Variants in CSMD1 observed in about 807,000 individuals in gnomAD.
CSMD1 encodes CUB and Sushi multiple domains 1, also known as CUB and sushi domain-containing protein 1.
CSMD1 carries 213 observed loss-of-function variants against 417.5 expected under a neutral mutation model. The ratio of observed to expected loss-of-function variants is 0.51; its 90% confidence interval spans 0.46 to 0.57. The LOEUF (loss-of-function observed/expected upper bound fraction) is 0.57. Among genes scored for constraint, CSMD1 ranks in the 20% least tolerant of loss-of-function variants. The pLI is 0.00. For missense variants in CSMD1, 6,923 were observed against 4,529.7 expected, an observed-to-expected ratio of 1.53 and a Z score of -15.17; for synonymous variants, 2,862 against 1,736.8, an observed-to-expected ratio of 1.65 and a Z score of -16.11.
At chr8:4,280,442 A>T (rs1481694469) in intron 3 of CSMD1, among the ~76,000 whole-genome samples, 1 of 152,228 alleles carries the variant, frequency 6.6e-6, no homozygotes, top group East Asian at 1.9e-4. Flanking sequence ...GCGACCGGAT[A>T]CCAATCTGAG....
chr8:3,566,983 C>A (rs78660435), intron 10 of CSMD1, among the ~76,000 whole-genome samples: 1 of 152,188 alleles, frequency 6.6e-6, no homozygotes, highest in Non-Finnish European at 1.5e-5. Context: ...GGTATAAGTT[C>A]ATTGCAGCAC....
Position 4,716,593 on chromosome 8 carries a change from G to C in CSMD1, c.86-79035C>G, listed in dbSNP as rs539378593. Among the ~76,000 whole-genome samples, 270 of 152,280 alleles carry C rather than the reference G, an allele frequency of 1.8e-3. 9 individuals are homozygous for C. In the South Asian group the frequency reaches 0.047, roughly 27 times the overall value. On this transcript the variant is annotated intron_variant, in intron 1 of 69. Transcript: ENST00000635120. ...TAAAGGAATTTACTATATTCTTATA[G>C]AAATGAGTAGCAGAATATGGATTAA...
chr8:3,316,742 C>T (rs545840932), intron 23 of CSMD1, among the ~76,000 whole-genome samples: 1 of 152,090 alleles, frequency 6.6e-6, no homozygotes, highest in Non-Finnish European at 1.5e-5. Flanking sequence ...ACGGGAAAGA[C>T]TGGAAAGGAC....
Position 3,189,018 on chromosome 8 carries a change from G to C in CSMD1, c.5399-7C>G, listed in dbSNP as rs1198254536. 1.2e-6 allele frequency: 2 copies of C among 1,609,852 alleles called. No homozygotes were observed. Among genetic ancestry groups the C allele is most frequent in the African/African-American group, 1.3e-5 (1 of 74,810 alleles). Reference sequence around the variant, plus strand: ...AAATTGCCACTGCAGGGTACTAAAAGACACAACCATATGTCATGAAATAAA... The same window carrying C: ...AAATTGCCACTGCAGGGTACTAAAACACACAACCATATGTCATGAAATAAA... On this transcript the variant is annotated splice_region_variant and splice_polypyrimidine_tract_variant and intron_variant, in intron 34 of 69. Coordinates refer to ENST00000635120, the MANE Select transcript of CSMD1 (RefSeq NM_033225.6).
At chr8:4,803,451 T>A (rs1563436322) in intron 1 of CSMD1, among the ~76,000 whole-genome samples, 1 of 152,188 alleles carries the variant, frequency 6.6e-6, no homozygotes. Flanking sequence ...GGGTTTTGCA[T>A]GATAGGAGAG....
chr8:2,942,590 C>G lies in CSMD1; in HGVS notation c.10417G>C (p.Asp3473His). The G allele has an allele frequency of 6.3e-7, 1 of 1,592,554 alleles. No homozygotes were observed. Among genetic ancestry groups the G allele is most frequent in the South Asian group, 1.1e-5 (1 of 88,060 alleles). Residue 3473 changes from aspartate to histidine, a missense_variant, in exon 69 of 70, where the codon GAT (aspartate) becomes CAT (histidine). Asp to His is a moderately conservative substitution (Grantham distance 81). Coordinates refer to ENST00000635120, the MANE Select transcript of CSMD1 (RefSeq NM_033225.6). ...TGGTAATGACTGGAAGAGTCTTGAT[C>G]TGGGTTTAAAGGATCTGTAAGATAA... Reference protein sequence around the residue: ...KLERQDPLNPDQDSSSHYHGT... With the variant: ...KLERQDPLNPHQDSSSHYHGT...
At chr8:3,283,108 G>A (rs959467791) in intron 26 of CSMD1, among the ~76,000 whole-genome samples, 1 of 152,152 alleles carries the variant, frequency 6.6e-6, no homozygotes, top group Non-Finnish European at 1.5e-5. Context: ...GTTCACGTGT[G>A]CAGATGTGGT....
chr8:4,060,157 G>A (rs955178386), intron 3 of CSMD1, among the ~76,000 whole-genome samples: 1 of 152,092 alleles, frequency 6.6e-6, no homozygotes, highest in African/African-American at 2.4e-5. Flanking sequence ...ATCAATAAAT[G>A]TAATCCAGCA....
intron 2 of CSMD1, among the ~76,000 whole-genome samples, chr8:4,560,813 G>C (rs780547652): frequency 1.3e-5 from 2 of 152,188 alleles, no homozygotes; most frequent in African/African-American, 2.4e-5. Context: ...GATTCTGCCT[G>C]TTCCTCTTCT....
At chr8:3,734,299 G>T (rs948980007) in intron 6 of CSMD1, among the ~76,000 whole-genome samples, 1 of 152,292 alleles carries the variant, frequency 6.6e-6, no homozygotes, top group African/African-American at 2.4e-5. Context: ...TCCAGGCGGG[G>T]TCTGCTGCAT....
At chr8:4,391,056 G>C (rs1289570844) in intron 3 of CSMD1, among the ~76,000 whole-genome samples, 1 of 152,174 alleles carries the variant, frequency 6.6e-6, no homozygotes, top group Non-Finnish European at 1.5e-5. Flanking sequence ...AAACCCCAGA[G>C]CACTAGGGTC....
chr8:4,925,540 T>TC (rs1806798902), intron 1 of CSMD1, among the ~76,000 whole-genome samples: 1 of 148,604 alleles, frequency 6.7e-6, no homozygotes, highest in Non-Finnish European at 1.5e-5. Context: ...GCATTTTCTT[T>TC]TTTTTTTCTT....
chr8:4,748,451 G>A (rs765337718), intron 1 of CSMD1, among the ~76,000 whole-genome samples: 2 of 152,170 alleles, frequency 1.3e-5, no homozygotes, highest in Non-Finnish European at 2.9e-5. Context: ...TATGACCCAA[G>A]TAAGGGTGAA....
chr8:3,975,931 G>A (rs1290964066), intron 5 of CSMD1, among the ~76,000 whole-genome samples: 1 of 151,802 alleles, frequency 6.6e-6, no homozygotes, highest in African/African-American at 2.4e-5. Context: ...AAAGTTATTT[G>A]CAGTATGTTT....
intron 37 of CSMD1, among the ~76,000 whole-genome samples, chr8:3,170,995 A>G (rs139400176): frequency 1.1e-3 from 168 of 152,362 alleles, no homozygotes; most frequent in Non-Finnish European, 1.9e-3. Context: ...GATATAATTA[A>G]TGATCTGCTC....
chr8:3,520,165 C>T (rs866388296), intron 10 of CSMD1, among the ~76,000 whole-genome samples: 2 of 151,404 alleles, frequency 1.3e-5, no homozygotes, highest in African/African-American at 4.9e-5. Context: ...AAACCAGAAC[C>T]GAGAAGAAGA....
At chr8:3,244,412 T>G (rs1222742029) in intron 26 of CSMD1, among the ~76,000 whole-genome samples, 2 of 152,138 alleles carry the variant, frequency 1.3e-5, no homozygotes, top group East Asian at 3.9e-4. Context: ...CTGCTTTTGT[T>G]TAACAGAGAC....
At chr8:4,264,250 T>G (rs1029211655) in intron 3 of CSMD1, among the ~76,000 whole-genome samples, 7 of 152,188 alleles carry the variant, frequency 4.6e-5, no homozygotes, top group African/African-American at 1.7e-4. Context: ...AGGAATAATT[T>G]TAAGAATAGA....
chr8:3,894,317 T>C (rs921805727), intron 5 of CSMD1, among the ~76,000 whole-genome samples: 1 of 152,150 alleles, frequency 6.6e-6, no homozygotes, highest in Non-Finnish European at 1.5e-5. Context: ...TCTTCACCAC[T>C]GAAAGCTTTG....
Sources: gnomAD v4.1 joint callset for allele counts (sites outside exome capture counted in the v4.1 genomes callset) on GRCh38, gnomAD v4.1.1 for gene constraint, MANE v1.5 for transcripts, NCBI Gene and HGNC (gene_info 2026-07-23, HGNC 2026-07-21) for gene names.